MAP4K4: variants seen among roughly 807,000 people sequenced by gnomAD.
MAP4K4 encodes HPK/GCK-like kinase HGK.
In MAP4K4, 38 loss-of-function variants were observed where a neutral mutation model predicts 189.6. The observed-to-expected ratio is 0.20, with a 90% CI of 0.15 to 0.26. MAP4K4 has a LOEUF of 0.26. Ranked by LOEUF, MAP4K4 falls within the 10% of genes least tolerant of loss-of-function variation. The pLI is 1.00. For synonymous variants in MAP4K4, 610 were observed against 624.3 expected (o/e 0.98, Z 0.34); for missense variants, 1,054 against 1,726.9 (o/e 0.61, Z 6.91).
At chr2:101,841,858 AT>A (rs1254355198) in intron 10 of MAP4K4, among the ~76,000 whole-genome samples, 1 of 152,076 alleles carries the variant, frequency 6.6e-6, no homozygotes, top group Non-Finnish European at 1.5e-5. Flanking sequence ...TTTTTGATTG[AT>A]TTCTGGAGTG....
intron 2 of MAP4K4, among the ~76,000 whole-genome samples, chr2:101,750,516 T>C (rs1308428581): frequency 1.6e-3 from 83 of 51,732 alleles, no homozygotes; most frequent in African/African-American, 4.0e-3. Context: ...GTGGTGGGGT[T>C]GGGGGAGGGG....
chr2:101,742,979 A>T (rs943060281), intron 2 of MAP4K4, among the ~76,000 whole-genome samples: 2 of 152,196 alleles, frequency 1.3e-5, no homozygotes, highest in African/African-American at 4.8e-5. Flanking sequence ...TTTTTGAAAG[A>T]GGTTTTATTT....
At chr2:101,707,721 CGCTT>C (rs1559030488) in intron 2 of MAP4K4, among the ~76,000 whole-genome samples, 1 of 144,138 alleles carries the variant, frequency 6.9e-6, no homozygotes, top group African/African-American at 2.6e-5. Flanking sequence ...GACGGAGTCT[CGCTT>C]TGTCGCCCAG....
chr2:101,877,360 C>T (rs371390606), intron 27 of MAP4K4, among the ~76,000 whole-genome samples: 31 of 152,158 alleles, frequency 2.0e-4, no homozygotes, highest in African/African-American at 6.0e-4. Context: ...TCTTGAGAAG[C>T]GTATGAATGT....
intron 10 of MAP4K4, among the ~76,000 whole-genome samples, chr2:101,841,162 T>C (rs1168863692): frequency 1.3e-5 from 2 of 152,196 alleles, no homozygotes; most frequent in African/African-American, 4.8e-5. Context: ...GCAGAGCACC[T>C]TCCCTTCCTT....
At chr2:101,871,462 G>T in intron 23 of MAP4K4, 32 bp from the exon 24 acceptor site, 1 of 1,504,872 alleles carries the variant, frequency 6.6e-7, no homozygotes, top group Non-Finnish European at 8.9e-7. Flanking sequence ...AGCAGCGCTT[G>T]AGCGAGACAA....
chr2:101,712,996 C>T (rs1025938491), intron 2 of MAP4K4, among the ~76,000 whole-genome samples: 1 of 151,466 alleles, frequency 6.6e-6, no homozygotes, highest in African/African-American at 2.4e-5. Flanking sequence ...CTCCACCTCC[C>T]AGATTCAGGC....
At chr2:101,870,526 A>C in intron 23 of MAP4K4, 111 bp downstream of exon 23, 1 of 1,455,586 alleles carries the variant, frequency 6.9e-7, no homozygotes, top group South Asian at 1.3e-5. Flanking sequence ...TTTCATGTTA[A>C]CAAGTCCCAG....
chr2:101,866,482 T>C lies in MAP4K4; in HGVS notation c.2259T>C (p.Pro753=), dbSNP rs1333308626. The C allele has an allele frequency of 1.8e-5, 29 of 1,613,628 alleles. 1 individual carries two copies. The East Asian group carries it at 6.5e-4, about 36-fold the overall frequency. Residue 753 remains proline (P), a synonymous_variant, in exon 19 of 33, where the codon CCT becomes CCC. Transcript: ENST00000324219. ...GAGTGGAGAAGCTGGTGCCCAGACCTGGCAGTGGCAGCTCCTCAGGGTCCA... is the reference window on the plus strand; with the variant it reads ...GAGTGGAGAAGCTGGTGCCCAGACCCGGCAGTGGCAGCTCCTCAGGGTCCA...
chr2:101,869,584 T>C (rs1166349937), intron 21 of MAP4K4, 38 bp from the exon 22 acceptor site: 1 of 1,540,696 alleles, frequency 6.5e-7, no homozygotes, highest in Non-Finnish European at 8.9e-7. Flanking sequence ...TCCCTGCTCC[T>C]GCTTGCCTTA....
At chr2:101,741,766 G>C (rs1371492503) in intron 2 of MAP4K4, among the ~76,000 whole-genome samples, 2 of 152,194 alleles carry the variant, frequency 1.3e-5, no homozygotes, top group Non-Finnish European at 2.9e-5. Context: ...CCCTGGGTTT[G>C]AGTCCCTTTT....
chr2:101,871,369 T>C, intron 23 of MAP4K4, 125 bp from the exon 24 acceptor site: 1 of 715,360 alleles, frequency 1.4e-6, no homozygotes. Context: ...GCTAATTTCT[T>C]TGGTTTTTCC....
chr2:101,700,761 C>G (rs554523456), intron 2 of MAP4K4, among the ~76,000 whole-genome samples: 7 of 150,244 alleles, frequency 4.7e-5, no homozygotes, highest in Non-Finnish European at 7.4e-5. Context: ...TCTTGATTGT[C>G]TCATACATCA....
At chr2:101,823,966 A>G (rs1288375687) in exon 4 of MAP4K4, 3 of 1,608,288 alleles carry the variant, frequency 1.9e-6, no homozygotes, top group Non-Finnish European at 1.7e-6. Context: ...TAAATATGCT[A>G]AAGAAATACT....
At chr2:101,724,825 G>C (rs1416403585) in intron 2 of MAP4K4, among the ~76,000 whole-genome samples, 1 of 152,204 alleles carries the variant, frequency 6.6e-6, no homozygotes, top group African/African-American at 2.4e-5. Flanking sequence ...GGTTTGGGAA[G>C]TATAGTTATG....
chr2:101,867,397 T>C, intron 20 of MAP4K4, 88 bp downstream of exon 20: 2 of 958,856 alleles, frequency 2.1e-6, no homozygotes, highest in Admixed American at 2.3e-5. Flanking sequence ...GCCTGCAGTC[T>C]TTTCTGCGAG....
At chr2:101,870,358 T>C (rs1190933741) in exon 23 of MAP4K4, 4 of 1,613,652 alleles carry the variant, frequency 2.5e-6, no homozygotes, top group East Asian at 4.5e-5. Flanking sequence ...TCCATGATGA[T>C]GTAGAAAGTG....
At chr2:101,728,431 A>G (rs2056708064) in intron 2 of MAP4K4, among the ~76,000 whole-genome samples, 1 of 152,220 alleles carries the variant, frequency 6.6e-6, no homozygotes, top group African/African-American at 2.4e-5. Flanking sequence ...TTTCCTCTCA[A>G]CATTTTATTA....
At chr2:101,824,933 G>A (rs967276126) in intron 4 of MAP4K4, among the ~76,000 whole-genome samples, 3 of 152,278 alleles carry the variant, frequency 2.0e-5, no homozygotes. Context: ...GGATCATAAT[G>A]TGAAAAGTAG....
Sources: allele counts gnomAD v4.1 joint callset (sites outside exome capture counted in the v4.1 genomes callset), GRCh38; gene constraint gnomAD v4.1.1; transcripts MANE v1.5; gene names NCBI Gene and HGNC (gene_info 2026-07-23, HGNC 2026-07-21).